The following ABTB3 variants were observed in gnomAD, a reference collection of about 807,000 sequenced individuals.
ABTB3 encodes the protein ankyrin repeat- and BTB/POZ domain-containing protein 3.
the ABTB3 span, among the ~76,000 whole-genome samples, chr12:107,564,134 G>GTGTGTGTC: frequency 6.7e-6 from 1 of 149,934 alleles, no homozygotes; most frequent in African/African-American, 2.5e-5. Context: ...GTGTGTGTGT[G>GTGTGTGTC]TGTTTGGCTA....
chr12:107,456,103 AT>A, the ABTB3 span, among the ~76,000 whole-genome samples: 1 of 152,258 alleles, frequency 6.6e-6, no homozygotes, highest in African/African-American at 2.4e-5. Flanking sequence ...ATAAATGTAC[AT>A]TTAACATGTG....
the ABTB3 span, among the ~76,000 whole-genome samples, chr12:107,641,329 G>T: frequency 6.6e-6 from 1 of 152,172 alleles, no homozygotes; most frequent in Non-Finnish European, 1.5e-5. Context: ...TTTGACAAAG[G>T]TACCATGGCT....
chr12:107,348,194 G>A, the ABTB3 span, among the ~76,000 whole-genome samples: 1 of 151,980 alleles, frequency 6.6e-6, no homozygotes, highest in Non-Finnish European at 1.5e-5. Context: ...GTGTATATAT[G>A]ATGTGGGTAT....
At chr12:107,482,920 CTT>C in the ABTB3 span, among the ~76,000 whole-genome samples, 29 of 35,646 alleles carry the variant, frequency 8.1e-4, no homozygotes, top group African/African-American at 4.8e-3. Context: ...CTTCTTCTTT[CTT>C]TCTTTCTTTC....
the ABTB3 span, among the ~76,000 whole-genome samples, chr12:107,511,851 C>A: frequency 6.6e-6 from 1 of 152,162 alleles, no homozygotes; most frequent in African/African-American, 2.4e-5. Context: ...AATTCTGGAG[C>A]AAGCAACTAT....
chr12:107,639,358 T>C, the ABTB3 span, among the ~76,000 whole-genome samples: 3 of 152,174 alleles, frequency 2.0e-5, no homozygotes, highest in African/African-American at 7.2e-5. Flanking sequence ...GGGAGTGGCA[T>C]GATCAGAGCT....
the ABTB3 span, among the ~76,000 whole-genome samples, chr12:107,630,669 T>C: frequency 3.9e-5 from 6 of 152,112 alleles, no homozygotes; most frequent in Admixed American, 3.3e-4. Flanking sequence ...CCCGAGCTCC[T>C]GGGCTCAAGC....
At chr12:107,407,892 G>A in the ABTB3 span, among the ~76,000 whole-genome samples, 14 of 151,980 alleles carry the variant, frequency 9.2e-5, no homozygotes, top group African/African-American at 2.9e-4. Flanking sequence ...TGGGGATATC[G>A]TATGGGATTT....
the ABTB3 span, among the ~76,000 whole-genome samples, chr12:107,532,887 TA>T: frequency 0.38 from 57,061 of 151,216 alleles, 11,230 homozygotes; most frequent in African/African-American, 0.47. Context: ...CTGAAAGGAA[TA>T]AAAAAAAATC....
the ABTB3 span, among the ~76,000 whole-genome samples, chr12:107,463,126 T>C: frequency 6.6e-6 from 1 of 150,882 alleles, no homozygotes; most frequent in African/African-American, 2.5e-5. Context: ...ATGGTGGAAG[T>C]GATGGTGATG....
At chr12:107,476,001 A>G in the ABTB3 span, among the ~76,000 whole-genome samples, 1 of 152,222 alleles carries the variant, frequency 6.6e-6, no homozygotes, top group Non-Finnish European at 1.5e-5. Flanking sequence ...GACTAGGATT[A>G]AAGCCGTGGA....
chr12:107,414,394 TTCC>T, the ABTB3 span, among the ~76,000 whole-genome samples: 1 of 152,138 alleles, frequency 6.6e-6, no homozygotes, highest in Non-Finnish European at 1.5e-5. Flanking sequence ...TCCCCTCCCA[TTCC>T]TCACTTTCTT....
At chr12:107,624,024 T>C in the ABTB3 span, among the ~76,000 whole-genome samples, 8 of 152,220 alleles carry the variant, frequency 5.3e-5, no homozygotes, top group African/African-American at 1.7e-4. Flanking sequence ...GTCAGGGAAC[T>C]GCAGGTGATT....
chr12:107,471,486 T>C, the ABTB3 span, among the ~76,000 whole-genome samples: 1 of 152,300 alleles, frequency 6.6e-6, no homozygotes, highest in South Asian at 2.1e-4. Flanking sequence ...GTAGTTGTAG[T>C]AAAAATAACA....
At chr12:107,353,832 G>T in the ABTB3 span, among the ~76,000 whole-genome samples, 1 of 152,104 alleles carries the variant, frequency 6.6e-6, no homozygotes, top group Admixed American at 6.5e-5. Context: ...TTCCCTATGA[G>T]AATCTAATGC....
At chr12:107,408,141 C>G in the ABTB3 span, among the ~76,000 whole-genome samples, 2 of 152,028 alleles carry the variant, frequency 1.3e-5, no homozygotes, top group Non-Finnish European at 2.9e-5. Context: ...ATGTGTGCGG[C>G]TTTGTGAGGA....
At chr12:107,341,671 A>G in the ABTB3 span, among the ~76,000 whole-genome samples, 1 of 152,172 alleles carries the variant, frequency 6.6e-6, no homozygotes, top group Admixed American at 6.5e-5. Context: ...CAGTGGGTGA[A>G]GTGATCCCTG....
At chr12:107,642,038 C>T in the ABTB3 span, 1 of 1,542,682 alleles carries the variant, frequency 6.5e-7, no homozygotes, top group African/African-American at 1.4e-5. Context: ...TTTTTGTGAG[C>T]CATGGATTTG....
chr12:107,448,883 C>T, the ABTB3 span, among the ~76,000 whole-genome samples: 2 of 152,218 alleles, frequency 1.3e-5, no homozygotes, highest in Admixed American at 6.5e-5. Flanking sequence ...AGAGCCTCTA[C>T]TCATTGTGGG....
Sources: allele counts gnomAD v4.1 joint callset (sites outside exome capture counted in the v4.1 genomes callset), GRCh38; gene constraint gnomAD v4.1.1; transcripts MANE v1.5; gene names NCBI Gene and HGNC (gene_info 2026-07-23, HGNC 2026-07-21).